The following RHBDD3 variants were observed in gnomAD, a reference collection of about 807,000 sequenced individuals.
RHBDD3 encodes rhomboid domain containing 3, also known as rhomboid domain-containing protein 3.
In RHBDD3, 34 loss-of-function variants were observed where a neutral mutation model predicts 32.3. The ratio of observed to expected loss-of-function variants is 1.05; its 90% CI spans 0.80 to 1.40. The LOEUF (loss-of-function observed/expected upper bound fraction) is 1.40. Among genes scored for constraint, RHBDD3 ranks in the 40% most tolerant of loss-of-function variants. The probability of loss-of-function intolerance (pLI) is 0.00; values close to 1 mark genes in which losing one functional copy is unlikely to be tolerated. For synonymous variants in RHBDD3, 249 were observed against 239.1 expected, an observed-to-expected ratio of 1.04 and a Z score of -0.38; for missense variants, 482 against 492.6, an observed-to-expected ratio of 0.98 and a Z score of 0.20.
intron 5 of RHBDD3, 41 bp downstream of exon 5, chr22:29,260,661 G>C (rs1343271823): frequency 1.3e-6 from 2 of 1,555,448 alleles, no homozygotes; most frequent in East Asian, 4.6e-5. Flanking sequence ...CCCTGCCACA[G>C]TGCCCACCAC....
At chr22:29,260,647 G>A (rs1162851587) in intron 5 of RHBDD3, 34 bp from the exon 6 acceptor site, 1 of 1,558,106 alleles carries the variant, frequency 6.4e-7, no homozygotes, top group East Asian at 2.3e-5. Flanking sequence ...GGCCTGACTG[G>A]CAGCCCTGCC....
Position 29,260,056 on chromosome 22 carries a change from T to C in RHBDD3, c.*4A>G. On this transcript the variant is annotated 3_prime_UTR_variant, in exon 7 of 7. Coordinates refer to ENST00000216085, the MANE Select transcript of RHBDD3 (RefSeq NM_012265.3). Reference sequence around the variant, plus strand: ...GCCTGCCTGTGCCCCACTCTCTGCCTGGGCTAGGGAGGCCCAGGACCCTCG... The same window carrying C: ...GCCTGCCTGTGCCCCACTCTCTGCCCGGGCTAGGGAGGCCCAGGACCCTCG... The C allele has an allele frequency of 1.3e-6, 2 of 1,557,178 alleles. No individual in the cohort carries two copies. The highest frequency in any genetic ancestry group is 1.7e-6 in the Non-Finnish European group (2 of 1,150,838).
intron 2 of RHBDD3, among the ~76,000 whole-genome samples, chr22:29,266,838 T>C (rs996824056): frequency 1.5e-4 from 23 of 152,188 alleles, no homozygotes; most frequent in Non-Finnish European, 2.5e-4. Context: ...GCAGGAAAAA[T>C]GTGGAAAGCT....
In RHBDD3 at chr22:29,260,015, C is replaced by T; in HGVS notation, c.*45G>A. 3 of 1,536,692 alleles carry T rather than the reference C, an allele frequency of 2.0e-6. No homozygotes were observed. Among genetic ancestry groups the T allele is most frequent in the East Asian group, 2.4e-5 (1 of 40,836 alleles). On this transcript the variant is annotated 3_prime_UTR_variant, in exon 7 of 7. Transcript: ENST00000216085. ...CTCGGGCTACCCACATGCAGCCCAG[C>T]CCTTAGCACCCAAGGGCCTGCCTGT...
At chr22:29,265,288 T>C in intron 3 of RHBDD3, 191 bp downstream of exon 3, 1 of 479,036 alleles carries the variant, frequency 2.1e-6, no homozygotes, top group Non-Finnish European at 3.7e-6. Flanking sequence ...CAGCCCACCC[T>C]AGGGAGTCCT....
chr22:29,261,638 G>C (rs1484946630), intron 4 of RHBDD3, among the ~76,000 whole-genome samples: 2 of 152,036 alleles, frequency 1.3e-5, no homozygotes, highest in Non-Finnish European at 2.9e-5. Context: ...CCAATAAAGA[G>C]TGCTCTAGCA....
chr22:29,261,237 C>T (rs575174128), intron 4 of RHBDD3: 6 of 504,686 alleles, frequency 1.2e-5, no homozygotes, highest in Admixed American at 2.3e-5. Flanking sequence ...TAACTCCTGT[C>T]ACCAATCCAG....
chr22:29,260,437 G>A lies in RHBDD3; in HGVS notation c.872C>T (p.Ala291Val). The A allele has an allele frequency of 6.2e-7, 1 of 1,610,826 alleles. No homozygotes were observed. The highest frequency in any genetic ancestry group is 8.5e-7 in the Non-Finnish European group (1 of 1,179,306). Reference sequence around the variant, plus strand: ...CTCCTGCAGCATCTGCTCATCCAAGGCCGCCCACATCGGAGTCCCTGGGGA... The same window carrying A: ...CTCCTGCAGCATCTGCTCATCCAAGACCGCCCACATCGGAGTCCCTGGGGA... ...SFSPGTPMWA[A>V]LDEQMLQEGI... The change falls in exon 6 of 7, where the codon GCC (alanine) becomes GTC (valine). Residue 291 changes from alanine to valine, a missense_variant. By Grantham distance (64) the Ala-to-Val change is moderately conservative. Coordinates refer to ENST00000216085, the MANE Select transcript of RHBDD3 (RefSeq NM_012265.3).
chr22:29,261,970 AAAAGAATATTCTTTTCCT>A (rs1487181949), intron 4 of RHBDD3: 1 of 151,984 alleles, frequency 6.6e-6, no homozygotes, highest in African/African-American at 2.4e-5. Context: ...CCATTTATTA[AAAAGAATATTCTTTTCCT>A]CATTGAATCG....
At chr22:29,266,779 C>T (rs1041785364) in intron 2 of RHBDD3, among the ~76,000 whole-genome samples, 1 of 152,214 alleles carries the variant, frequency 6.6e-6, no homozygotes, top group Non-Finnish European at 1.5e-5. Context: ...AAGAAGGCTG[C>T]CTAATTTGCT....
chr22:29,263,117 T>C (rs1302377024), intron 4 of RHBDD3, among the ~76,000 whole-genome samples: 1 of 152,206 alleles, frequency 6.6e-6, no homozygotes, highest in Non-Finnish European at 1.5e-5. Context: ...TGTTCTCGGC[T>C]CATTGCAGCC....
chr22:29,265,263 C>A (rs2058163141), intron 3 of RHBDD3: 1 of 418,830 alleles, frequency 2.4e-6, no homozygotes. Flanking sequence ...GAAAAGCACT[C>A]CTACCCATAG....
chr22:29,260,053 G>A lies in RHBDD3; in HGVS notation c.*7C>T. 6.4e-7 allele frequency: 1 copy of A among 1,555,626 alleles called. No homozygotes were observed. Among genetic ancestry groups the A allele is most frequent in the Non-Finnish European group, 8.7e-7 (1 of 1,150,012 alleles). ...AGGGCCTGCCTGTGCCCCACTCTCT[G>A]CCTGGGCTAGGGAGGCCCAGGACCC... On this transcript the variant is annotated 3_prime_UTR_variant, in exon 7 of 7. Coordinates refer to ENST00000216085, the MANE Select transcript of RHBDD3 (RefSeq NM_012265.3).
intron 2 of RHBDD3, among the ~76,000 whole-genome samples, 161 bp from the exon 3 acceptor site, chr22:29,265,829 G>A (rs536641258): frequency 3.8e-4 from 58 of 152,256 alleles, no homozygotes; most frequent in Admixed American, 1.4e-3. Flanking sequence ...CCTAACCCAT[G>A]CGCTCATAAG....
At chr22:29,264,501 G>A (rs1422201848) in intron 3 of RHBDD3, 1 of 1,230,648 alleles carries the variant, frequency 8.1e-7, no homozygotes, top group Non-Finnish European at 1.0e-6. Flanking sequence ...CTATGTCCCA[G>A]ACACCATGAA....
chr22:29,264,194 A>C lies in RHBDD3; in HGVS notation c.173T>G (p.Leu58Arg). 2 of 1,553,736 alleles carry C rather than the reference A, an allele frequency of 1.3e-6. No homozygotes were observed. The highest frequency in any genetic ancestry group is 1.7e-6 in the Non-Finnish European group (2 of 1,150,404). ...CAGGCCTGGCAGGGCCGTGTGGCCC[A>C]GGGCATGGGTCAGCAGCCGGTGCAC... is the stretch of plus-strand genomic sequence containing the variant. ...WQVHRLLTHA[L>R]GHTALPGLLL... The change falls in exon 4 of 7, where the codon CTG (leucine) becomes CGG (arginine). Residue 58 changes from leucine to arginine, a missense_variant. Coordinates refer to ENST00000216085, the MANE Select transcript of RHBDD3 (RefSeq NM_012265.3).
chr22:29,260,301 C>T (rs1277255251), intron 6 of RHBDD3, 25 bp downstream of exon 6: 6 of 1,605,266 alleles, frequency 3.7e-6, no homozygotes, highest in South Asian at 2.2e-5. Context: ...ACCAGGGGAC[C>T]CCACCTCTGC....
At position 29,260,604 on chromosome 22, in the gene RHBDD3, G is replaced by A. The variant is rs1435607937; in HGVS notation, c.705C>T (p.Ile235=). 1.3e-6 allele frequency: 2 copies of A among 1,592,590 alleles called. No individual in the cohort carries two copies. The highest frequency in any genetic ancestry group is 1.7e-6 in the Non-Finnish European group (2 of 1,169,100). The change falls in exon 6 of 7, where the codon ATC becomes ATT. Residue 235 remains isoleucine, a synonymous_variant. Transcript: ENST00000216085. ...VTHPAGVRPP[I]PGPPYVASPD... is the part of the protein sequence containing the mutation. ...GGGAGGCCACATAAGGCGGTCCAGG[G>A]ATGGGAGGCCTGGAGGAGTGGGAAG... is the stretch of plus-strand genomic sequence containing the variant.
In RHBDD3 at chr22:29,260,620, G is replaced by A; in HGVS notation, c.696-7C>T. ...CGGTCCAGGGATGGGAGGCCTGGAG[G>A]AGTGGGAAGAGAAGAGGGCCTGACT... On this transcript the variant is annotated splice_region_variant and splice_polypyrimidine_tract_variant and intron_variant, in intron 5 of 6. Transcript: ENST00000216085. The A allele has an allele frequency of 6.3e-7, 1 of 1,581,230 alleles. No homozygotes were observed. Among genetic ancestry groups the A allele is most frequent in the Non-Finnish European group, 8.6e-7 (1 of 1,162,610 alleles).
Sources: allele counts gnomAD v4.1 joint callset (sites outside exome capture counted in the v4.1 genomes callset), GRCh38; gene constraint gnomAD v4.1.1; transcripts MANE v1.5; gene names NCBI Gene and HGNC (gene_info 2026-07-23, HGNC 2026-07-21).